FOXP1: variants seen among roughly 807,000 people sequenced by gnomAD.
The protein encoded by FOXP1 is forkhead box P1.
In FOXP1, 15 loss-of-function variants were observed where a neutral mutation model predicts 98.2. The ratio of observed to expected loss-of-function variants is 0.15; its 90% CI spans 0.10 to 0.24. The LOEUF is 0.24. Ranked by LOEUF, FOXP1 falls within the 10% of genes least tolerant of loss-of-function variation. The probability of loss-of-function intolerance (pLI) is 1.00; values close to 1 mark genes in which losing one functional copy is unlikely to be tolerated. For synonymous variants in FOXP1, 371 were observed against 314.5 expected, an observed-to-expected ratio of 1.18 and a Z score of -1.90; for missense variants, 633 against 848.5, an observed-to-expected ratio of 0.75 and a Z score of 3.15.
At chr3:71,239,896 T>C (rs1194527674) in intron 5 of FOXP1, among the ~76,000 whole-genome samples, 2 of 152,246 alleles carry the variant, frequency 1.3e-5, no homozygotes, top group East Asian at 1.9e-4. Context: ...CTATGTACAA[T>C]TTGCCATGGC....
chr3:71,190,156 C>A (rs1472748517), intron 6 of FOXP1, among the ~76,000 whole-genome samples: 1 of 152,228 alleles, frequency 6.6e-6, no homozygotes, highest in Non-Finnish European at 1.5e-5. Flanking sequence ...CGAACCCAAT[C>A]TGCCTTTTCA....
At chr3:71,443,627 T>C (rs983881678) in intron 3 of FOXP1, among the ~76,000 whole-genome samples, 5 of 152,126 alleles carry the variant, frequency 3.3e-5, no homozygotes, top group African/African-American at 1.2e-4. Flanking sequence ...ATTTTCTGAT[T>C]CTGCCACTCT....
intron 6 of FOXP1, among the ~76,000 whole-genome samples, chr3:71,176,244 C>T (rs1266866273): frequency 2.6e-5 from 4 of 152,132 alleles, no homozygotes; most frequent in East Asian, 3.8e-4. Context: ...TTTAAGTCTT[C>T]GGGTTCCATG....
intron 5 of FOXP1, among the ~76,000 whole-genome samples, chr3:71,223,693 CAAAA>C (rs34686001): frequency 5.5e-5 from 5 of 90,110 alleles, no homozygotes; most frequent in South Asian, 3.2e-4. Context: ...GACTACGTCT[CAAAA>C]AAAAAAAAAA....
At chr3:71,073,103 G>A (rs765097828) in intron 7 of FOXP1, among the ~76,000 whole-genome samples, 2 of 152,218 alleles carry the variant, frequency 1.3e-5, no homozygotes, top group Non-Finnish European at 2.9e-5. Flanking sequence ...ATAAGGCATT[G>A]TGTGTTTGAA....
At chr3:70,998,315 T>C (rs569595857) in intron 13 of FOXP1, among the ~76,000 whole-genome samples, 86 of 152,350 alleles carry the variant, frequency 5.6e-4, no homozygotes, top group African/African-American at 1.9e-3. Context: ...ATTTTACGCA[T>C]GGACACTGAA....
intron 3 of FOXP1, among the ~76,000 whole-genome samples, chr3:71,406,258 G>A (rs909374670): frequency 2.0e-5 from 3 of 151,922 alleles, no homozygotes; most frequent in South Asian, 2.1e-4. Flanking sequence ...CTGAAATCAA[G>A]GACTGTGTTC....
At chr3:71,173,331 C>T (rs1238976925) in intron 6 of FOXP1, among the ~76,000 whole-genome samples, 1 of 151,370 alleles carries the variant, frequency 6.6e-6, no homozygotes, top group East Asian at 1.9e-4. Context: ...TGACTCTATT[C>T]ACAAAATTTC....
chr3:71,279,192 A>AAAAAAAAAAAC lies in FOXP1; in HGVS notation c.-12+20627_-12+20628insGTTTTTTTTTT, dbSNP rs368277709. 4.1e-4 allele frequency among the ~76,000 whole-genome samples: 57 copies of AAAAAAAAAAAC among 139,424 alleles called. 1 individual carries two copies. Among genetic ancestry groups the AAAAAAAAAAAC allele is most frequent in the East Asian group, 7.0e-4 (3 of 4,286 alleles). The allele number at this position is 139,424 out of a possible 152,430, so 91.5% of individuals were successfully genotyped here. A position where few individuals can be genotyped will look rare whatever the true frequency, so the allele number is the denominator to read the frequency against. On this transcript the variant is annotated intron_variant, in intron 5 of 20. Transcript: ENST00000649528. ...CATCTCAAAAAAAAAAAAAAAAAAA[A>AAAAAAAAAAAC]AGAAAGAAATAGGAATTGATACCAT...
rs535159261 is a variant in FOXP1 at position 71,533,615 on chromosome 3, G to A, written c.-297-40060C>T. On this transcript the variant is annotated intron_variant, in intron 2 of 20. Transcript: ENST00000649528. ...AATTGGCGTCCCCAACCCCATTATT[G>A]TTCTGTGAACAATTTCAAATCCTTC... Among the ~76,000 whole-genome samples the A allele has an allele frequency of 2.0e-5, 3 of 152,128 alleles. No homozygotes were observed. In the South Asian group the frequency reaches 6.2e-4, roughly 32 times the overall value.
In FOXP1 at chr3:71,430,787, T is replaced by G. The variant is rs141087466; in HGVS notation, c.-168+62639A>C. The stretch of plus-strand genomic sequence containing the variant: ...AAGAGGCTTAAACTCTGCCTTATGG[T>G]GTCTGTCACCCAAACTCATGGGCTG... On this transcript the variant is annotated intron_variant, in intron 3 of 20. Coordinates refer to ENST00000649528, the MANE Select transcript of FOXP1 (RefSeq NM_001349338.3). Among the ~76,000 whole-genome samples, 1,084 of 152,090 alleles carry G rather than the reference T, an allele frequency of 7.1e-3. 16 individuals are homozygous for G. The highest frequency in any genetic ancestry group is 0.025 in the African/African-American group (1,041 of 41,478).
chr3:71,368,958 G>A (rs2079102047), intron 3 of FOXP1, among the ~76,000 whole-genome samples: 1 of 152,208 alleles, frequency 6.6e-6, no homozygotes, highest in South Asian at 2.1e-4. Flanking sequence ...CATTGTGAGT[G>A]TATACCGCAT....
chr3:71,465,931 A>AGTT (rs2088675418), intron 3 of FOXP1, among the ~76,000 whole-genome samples: 11 of 152,158 alleles, frequency 7.2e-5, no homozygotes, highest in Non-Finnish European at 1.3e-4. Context: ...ATGAGAACCT[A>AGTT]ACTAATGCCT....
chr3:71,094,355 C>A (rs192450494), intron 7 of FOXP1, among the ~76,000 whole-genome samples: 2 of 149,974 alleles, frequency 1.3e-5, no homozygotes, highest in Non-Finnish European at 3.0e-5. Context: ...TCTCAGCTCA[C>A]TGCAAGCTCC....
chr3:71,255,006 C>T (rs1448979162), intron 5 of FOXP1, among the ~76,000 whole-genome samples: 1 of 152,084 alleles, frequency 6.6e-6, no homozygotes, highest in Non-Finnish European at 1.5e-5. Context: ...ACCAATGGGC[C>T]CACTTAACGC....
At chr3:71,539,504 G>T in intron 2 of FOXP1, among the ~76,000 whole-genome samples, 2 of 85,950 alleles carry the variant, frequency 2.3e-5, no homozygotes, top group South Asian at 2.7e-4. Context: ...ATCGATTTCT[G>T]CCAAAAAAAA....
chr3:71,117,510 T>C (rs1260633992), intron 6 of FOXP1, among the ~76,000 whole-genome samples: 2 of 152,126 alleles, frequency 1.3e-5, no homozygotes, highest in Non-Finnish European at 2.9e-5. Context: ...TTAGATTCTC[T>C]GGATACAGAA....
chr3:71,486,614 T>C (rs991381094), intron 3 of FOXP1, among the ~76,000 whole-genome samples: 3 of 152,192 alleles, frequency 2.0e-5, no homozygotes, highest in Non-Finnish European at 2.9e-5. Flanking sequence ...ATGCAACATA[T>C]TGAAATAAAA....
intron 3 of FOXP1, among the ~76,000 whole-genome samples, chr3:71,460,423 T>G (rs1291063430): frequency 1.3e-5 from 2 of 151,130 alleles, no homozygotes; most frequent in Non-Finnish European, 1.5e-5. Flanking sequence ...ATTTTTTGGT[T>G]TTTTTCGTTT....
Sources: allele counts gnomAD v4.1 joint callset (sites outside exome capture counted in the v4.1 genomes callset), GRCh38; gene constraint gnomAD v4.1.1; transcripts MANE v1.5; gene names NCBI Gene and HGNC (gene_info 2026-07-23, HGNC 2026-07-21).